Variants in DOCK1 observed in about 807,000 individuals in gnomAD.
The protein encoded by DOCK1 is dedicator of cytokinesis protein 1.
A neutral mutation model predicts 262.7 loss-of-function variants in DOCK1; 138 were observed. That is an observed-to-expected ratio of 0.53 (90% CI 0.46 to 0.61). The LOEUF is 0.61. DOCK1 is among the 20% of genes least tolerant of loss of function. The probability of loss-of-function intolerance (pLI) is 0.00; values close to 1 mark genes in which losing one functional copy is unlikely to be tolerated. For missense variants in DOCK1, 1,908 were observed against 2,370.7 expected, an observed-to-expected ratio of 0.80 and a Z score of 4.05; for synonymous variants, 866 against 867.4, an observed-to-expected ratio of 1.00 and a Z score of 0.03.
Position 127,257,139 on chromosome 10 carries a change from G to A in DOCK1, c.2950-196G>A, listed in dbSNP as rs74921069. Among the ~76,000 whole-genome samples, 26 of 152,274 alleles carry A rather than the reference G, an allele frequency of 1.7e-4. No homozygotes were observed. In the East Asian group the frequency reaches 3.5e-3, roughly 20 times the overall value. ...TTCAGAATATATTCTTGAAGAAGCCGTCTCAGACAGGAGGTGCTCAGGTAA... is the reference window on the plus strand; with the variant it reads ...TTCAGAATATATTCTTGAAGAAGCCATCTCAGACAGGAGGTGCTCAGGTAA... On this transcript the variant is annotated intron_variant, in intron 28 of 51. Coordinates refer to ENST00000623213, the MANE Select transcript of DOCK1 (RefSeq NM_001290223.2).
At chr10:127,393,935 C>T (rs922447575) in intron 38 of DOCK1, among the ~76,000 whole-genome samples, 7 of 152,036 alleles carry the variant, frequency 4.6e-5, no homozygotes, top group Admixed American at 1.3e-4. Context: ...TCTTGCCGCC[C>T]GCCTGAGTGT....
At chr10:127,147,402 C>A (rs1201778636) in intron 27 of DOCK1, among the ~76,000 whole-genome samples, 2 of 152,200 alleles carry the variant, frequency 1.3e-5, no homozygotes, top group Non-Finnish European at 2.9e-5. Flanking sequence ...CCACGATTAT[C>A]TTGTTTTCTT....
intron 33 of DOCK1, among the ~76,000 whole-genome samples, chr10:127,368,107 C>G (rs1256467651): frequency 6.6e-6 from 1 of 152,228 alleles, no homozygotes; most frequent in Non-Finnish European, 1.5e-5. Context: ...CCTGCCAGAA[C>G]ATGGCCCTTC....
chr10:127,145,851 A>T, intron 27 of DOCK1: 1 of 370,352 alleles, frequency 2.7e-6, no homozygotes, highest in Non-Finnish European at 5.3e-6. Flanking sequence ...CACGGAAACC[A>T]TTAGCTGCTT....
intron 46 of DOCK1, among the ~76,000 whole-genome samples, chr10:127,423,771 C>G (rs747677365): frequency 3.9e-5 from 6 of 152,152 alleles, no homozygotes; most frequent in Non-Finnish European, 5.9e-5. Flanking sequence ...TTCTGTGCTG[C>G]TTTCAGGGCA....
At chr10:127,130,233 A>G (rs1234461278) in intron 27 of DOCK1, among the ~76,000 whole-genome samples, 2 of 151,612 alleles carry the variant, frequency 1.3e-5, no homozygotes, top group Non-Finnish European at 1.5e-5. Flanking sequence ...ACAGGTGCAC[A>G]TCACCACACT....
At chr10:127,042,788 CG>C in intron 20 of DOCK1, 74 bp downstream of exon 20, 1 of 1,483,348 alleles carries the variant, frequency 6.7e-7, no homozygotes. Flanking sequence ...AGGCTGGAGT[CG>C]GGGGCTTCGT....
chr10:127,097,199 C>T (rs1161109752), intron 23 of DOCK1, among the ~76,000 whole-genome samples: 2 of 152,178 alleles, frequency 1.3e-5, no homozygotes, highest in Non-Finnish European at 2.9e-5. Flanking sequence ...CCTGTTTCTT[C>T]TTTTCCCTCT....
At chr10:127,367,768 C>T (rs1165509095) in intron 33 of DOCK1, among the ~76,000 whole-genome samples, 4 of 152,336 alleles carry the variant, frequency 2.6e-5, no homozygotes, top group African/African-American at 4.8e-5. Context: ...AGCGACTGGA[C>T]GCTGCATGAC....
At chr10:127,185,558 C>A (rs1055094803) in intron 27 of DOCK1, among the ~76,000 whole-genome samples, 8 of 152,294 alleles carry the variant, frequency 5.3e-5, no homozygotes, top group South Asian at 2.1e-4. Flanking sequence ...AGCTGAGATA[C>A]AGCAAGAAGA....
At chr10:127,218,200 T>TAA (rs1745340576) in intron 27 of DOCK1, among the ~76,000 whole-genome samples, 1 of 152,248 alleles carries the variant, frequency 6.6e-6, no homozygotes, top group Non-Finnish European at 1.5e-5. Flanking sequence ...CAACTATAAT[T>TAA]TGACCTAATA....
At chr10:127,004,121 C>T (rs997332765) in intron 10 of DOCK1, among the ~76,000 whole-genome samples, 1 of 150,732 alleles carries the variant, frequency 6.6e-6, no homozygotes, top group Non-Finnish European at 1.5e-5. Flanking sequence ...GGGCGTGGTG[C>T]TGTGTGCCTG....
chr10:127,451,482 T>C lies in DOCK1; in HGVS notation c.*55T>C, dbSNP rs1348695642. 1.3e-6 allele frequency: 2 copies of C among 1,548,546 alleles called. No homozygotes were observed. The highest frequency in any genetic ancestry group is 1.7e-4 in the Middle Eastern group (1 of 6,012). On this transcript the variant is annotated 3_prime_UTR_variant, in exon 52 of 52. Coordinates refer to ENST00000623213, the MANE Select transcript of DOCK1 (RefSeq NM_001290223.2). ...TGCCCCTCCCCATCTCCATGCCCTC[T>C]CCTTCTGTGTCCCCTGAGTCTGCTG... is the stretch of plus-strand genomic sequence containing the variant.
chr10:127,266,869 C>G lies in DOCK1; in HGVS notation c.3044+9440C>G, dbSNP rs940431500. Among the ~76,000 whole-genome samples the G allele has an allele frequency of 3.9e-5, 6 of 152,194 alleles. No homozygotes were observed. In the South Asian group the frequency reaches 1.2e-3, roughly 31 times the overall value. On this transcript the variant is annotated intron_variant, in intron 29 of 51. Coordinates refer to ENST00000623213, the MANE Select transcript of DOCK1 (RefSeq NM_001290223.2). ...GCCTAACCTGAGACATTTCACAGCC[C>G]AGAGTCCCCAGTTTGCAGGCACCAG...
intron 28 of DOCK1, among the ~76,000 whole-genome samples, chr10:127,251,929 T>C (rs567093957): frequency 5.3e-5 from 8 of 152,024 alleles, no homozygotes; most frequent in African/African-American, 1.9e-4. Context: ...ATGGTATTTC[T>C]AGTTCTAGAT....
At chr10:127,416,807 T>A (rs1176904075) in intron 44 of DOCK1, among the ~76,000 whole-genome samples, 3 of 152,116 alleles carry the variant, frequency 2.0e-5, no homozygotes, top group African/African-American at 7.2e-5. Flanking sequence ...GTGCCCGGGA[T>A]GAAATGTCGT....
intron 49 of DOCK1, among the ~76,000 whole-genome samples, chr10:127,441,897 C>A (rs2070180362): frequency 6.6e-6 from 1 of 152,156 alleles, no homozygotes. Context: ...TCTCAGCAGT[C>A]CAGCCTCCTC....
chr10:127,083,803 C>T (rs73374742), intron 23 of DOCK1, among the ~76,000 whole-genome samples: 1,887 of 152,210 alleles, frequency 0.012, 46 homozygotes, highest in African/African-American at 0.042. Context: ...AATCTTTCTG[C>T]CCCCTTAGTA....
intron 23 of DOCK1, among the ~76,000 whole-genome samples, chr10:127,079,634 TAAAA>T (rs1443521967): frequency 2.6e-5 from 4 of 152,192 alleles, no homozygotes; most frequent in African/African-American, 9.6e-5. Flanking sequence ...GTGTGATATG[TAAAA>T]GTCTATTCCT....
Sources: gnomAD v4.1 joint callset for allele counts (sites outside exome capture counted in the v4.1 genomes callset) on GRCh38, gnomAD v4.1.1 for gene constraint, MANE v1.5 for transcripts, NCBI Gene and HGNC (gene_info 2026-07-23, HGNC 2026-07-21) for gene names.